LCA5L: variants seen among roughly 807,000 people sequenced by gnomAD.
LCA5L encodes lebercilin-like protein.
LCA5L carries 35 observed loss-of-function variants against 45.4 expected under a neutral mutation model. The observed-to-expected ratio is 0.77, with a 90% CI of 0.59 to 1.02. The LOEUF is 1.02. Among genes scored for constraint, LCA5L ranks in the 50% least tolerant of loss-of-function variants. The pLI, the probability that LCA5L is intolerant of heterozygous loss-of-function variation, is 0.00. For missense variants in LCA5L, 668 were observed against 761.6 expected, an observed-to-expected ratio of 0.88 and a Z score of 1.45; for synonymous variants, 233 against 264.7, an observed-to-expected ratio of 0.88 and a Z score of 1.16.
intron 10 of LCA5L, 81 bp from the exon 11 acceptor site, chr21:39,406,693 C>T (rs199499915): frequency 2.4e-5 from 25 of 1,044,908 alleles, no homozygotes; most frequent in Admixed American, 1.9e-4. Flanking sequence ...AGTACACTTA[C>T]GTGCACCGCC....
At chr21:39,436,372 C>T (rs1324906153) in intron 2 of LCA5L, among the ~76,000 whole-genome samples, 8 of 151,920 alleles carry the variant, frequency 5.3e-5, no homozygotes, top group South Asian at 2.1e-4. Flanking sequence ...TTTTGTTACA[C>T]GCATATAATG....
In LCA5L at chr21:39,406,051, CTTGA is replaced by C. The variant is rs1190288520; in HGVS notation, c.1840_1843del (p.Ser614ValfsTer36). The C allele has an allele frequency of 6.2e-7, 1 of 1,614,080 alleles. No individual in the cohort carries two copies. The highest frequency in any genetic ancestry group is 8.5e-7 in the Non-Finnish European group (1 of 1,180,028). ...CTCTGAGCCTTTTGCAACACCAGGA[CTTGA>C]TTGGTCAGTTTTCAAGACATAGCCT... On this transcript the variant is annotated frameshift_variant, in exon 11 of 11. Transcript: ENST00000288350. LOFTEE classifies it low-confidence loss of function (END_TRUNC).
At position 39,410,040 on chromosome 21, in the gene LCA5L, A is replaced by T. The variant is rs200806567; in HGVS notation, c.1221T>A (p.His407Gln). ...DHKEKSTEINHEIPHCVNKLP... is the reference protein window; with the variant it reads ...DHKEKSTEINQEIPHCVNKLP... ...GTTTATTCACACAGTGAGGAATTTC[A>T]TGATTTATTTCAGTTGATTTTTCTT... Residue 407 changes from histidine (H) to glutamine (Q), a missense_variant, in exon 10 of 11, where the codon CAT becomes CAA. By Grantham distance (24) the His-to-Gln change is conservative. Transcript: ENST00000288350. 6 of 1,610,802 alleles carry T rather than the reference A, an allele frequency of 3.7e-6. No homozygotes were observed. Among genetic ancestry groups the T allele is most frequent in the African/African-American group, 2.7e-5 (2 of 74,976 alleles).
intron 8 of LCA5L, 59 bp downstream of exon 8, chr21:39,411,659 T>C: frequency 1.2e-6 from 1 of 817,434 alleles, no homozygotes; most frequent in Non-Finnish European, 2.0e-6. Context: ...CTATATAAAT[T>C]AGGAAAATCT....
intron 7 of LCA5L, 35 bp downstream of exon 7, chr21:39,420,671 G>A: frequency 6.4e-7 from 1 of 1,573,004 alleles, no homozygotes; most frequent in Non-Finnish European, 8.7e-7. Context: ...CGGGAAACAG[G>A]ATTTCATTCT....
intron 7 of LCA5L, among the ~76,000 whole-genome samples, chr21:39,414,495 T>C (rs1293691442): frequency 6.6e-6 from 1 of 152,186 alleles, no homozygotes; most frequent in Non-Finnish European, 1.5e-5. Flanking sequence ...AAACTATGAC[T>C]TTCGTTAATG....
rs766775595 is a variant in LCA5L at position 39,406,156 on chromosome 21, T to G, written c.1739A>C (p.Lys580Thr). 20 of 1,614,272 alleles carry G rather than the reference T, an allele frequency of 1.2e-5. No homozygotes were observed. The highest frequency in any genetic ancestry group is 1.5e-5 in the Non-Finnish European group (18 of 1,180,056). Residue 580 changes from lysine to threonine, a missense_variant, in exon 11 of 11, where the codon AAG becomes ACG. Coordinates refer to ENST00000288350, the MANE Select transcript of LCA5L (RefSeq NM_152505.4). ...SDSGYEPSFGKSSRIKVKDTT... is the reference protein window; with the variant it reads ...SDSGYEPSFGTSSRIKVKDTT... ...ATCCTTCACTTTTATTCTGGAAGAC[T>G]TACCAAATGAGGGCTCATACCCACT...
chr21:39,429,554 T>C (rs2075423537), intron 3 of LCA5L, among the ~76,000 whole-genome samples: 1 of 152,206 alleles, frequency 6.6e-6, no homozygotes. Context: ...ACTGTCCCTG[T>C]TTCTTAGCTC....
Position 39,406,279 on chromosome 21 carries a change from G to A in LCA5L, c.1616C>T (p.Ala539Val). ...ATENLHHGLP[A>V]SGGPANAGNM... is the part of the protein sequence containing the mutation. ...GCCGGCATTGGCTGGCCCCCCTGAA[G>A]CAGGAAGCCCATGATGCAGGTTTTC... Residue 539 changes from alanine (A) to valine (V), a missense_variant, in exon 11 of 11, where the codon GCT becomes GTT. Transcript: ENST00000288350. 6.2e-7 allele frequency: 1 copy of A among 1,614,220 alleles called. No individual in the cohort carries two copies. The highest frequency in any genetic ancestry group is 8.5e-7 in the Non-Finnish European group (1 of 1,180,042).
At chr21:39,419,691 T>C (rs2041960395) in intron 7 of LCA5L, among the ~76,000 whole-genome samples, 2 of 152,104 alleles carry the variant, frequency 1.3e-5, no homozygotes, top group Non-Finnish European at 2.9e-5. Context: ...ATTAGTGCCC[T>C]TGTAAAAGAG....
intron 6 of LCA5L, among the ~76,000 whole-genome samples, chr21:39,421,062 C>T (rs1601818719): frequency 6.6e-6 from 1 of 151,794 alleles, no homozygotes; most frequent in African/African-American, 2.4e-5. Context: ...ACGTTTGGAG[C>T]CTGTTTTTTA....
intron 7 of LCA5L, among the ~76,000 whole-genome samples, chr21:39,413,384 T>C (rs1278243246): frequency 2.0e-5 from 3 of 152,216 alleles, no homozygotes; most frequent in Non-Finnish European, 4.4e-5. Flanking sequence ...CAAGCTTTTA[T>C]CCATTTCTTC....
Position 39,420,761 on chromosome 21 carries a change from T to C in LCA5L, c.920A>G (p.Gln307Arg). The C allele has an allele frequency of 6.2e-7, 1 of 1,613,746 alleles. No homozygotes were observed. Among genetic ancestry groups the C allele is most frequent in the East Asian group, 2.2e-5 (1 of 44,880 alleles). Residue 307 changes from glutamine to arginine, a missense_variant, in exon 7 of 11, where the codon CAG becomes CGG. Coordinates refer to ENST00000288350, the MANE Select transcript of LCA5L (RefSeq NM_152505.4). ...CACCTGCAGAGTCTTGGTAGCTGTC[T>C]GAGCTGCTAAAGTCTTCCGAGTCTC... ...AIETRKTLAA[Q>R]TATKTLQVEV...
intron 9 of LCA5L, 46 bp downstream of exon 9, chr21:39,410,218 T>A (rs760460832): frequency 1.5e-6 from 2 of 1,308,302 alleles, no homozygotes; most frequent in Non-Finnish European, 2.2e-6. Flanking sequence ...CTATTTTTGT[T>A]AAGACATGTT....
At chr21:39,407,897 A>G (rs937433167) in intron 10 of LCA5L, 3 of 152,376 alleles carry the variant, frequency 2.0e-5, no homozygotes, top group Middle Eastern at 3.4e-3. Flanking sequence ...CCAAACTGCA[A>G]CAGAGAGAGT....
rs145628827 is a variant in LCA5L, at chr21:39,423,007, G to T, written c.806C>A (p.Thr269Lys). 3.8e-4 allele frequency: 617 copies of T among 1,613,402 alleles called. 3 individuals are homozygous for T. Among genetic ancestry groups the T allele is most frequent in the Middle Eastern group, 1.6e-4 (1 of 6,082 alleles). Residue 269 changes from threonine (T) to lysine (K), a missense_variant, in exon 6 of 11, where the codon ACA becomes AAA. By Grantham distance (78) the Thr-to-Lys change is moderately conservative. Coordinates refer to ENST00000288350, the MANE Select transcript of LCA5L (RefSeq NM_152505.4). ...ELTHKLSIIT[T>K]KMDANDKKIQ... ...TTTTTTGTCATTTGCGTCCATTTTTGTTGTGATAATAGATAATTTATGAGT... is the reference window on the plus strand; with the variant it reads ...TTTTTTGTCATTTGCGTCCATTTTTTTTGTGATAATAGATAATTTATGAGT...
intron 2 of LCA5L, among the ~76,000 whole-genome samples, chr21:39,443,266 G>T (rs2077052411): frequency 6.6e-6 from 1 of 152,222 alleles, no homozygotes; most frequent in Admixed American, 6.5e-5. Flanking sequence ...GGAAACTGAA[G>T]GGGAACGTGG....
Position 39,405,899 on chromosome 21 carries a change from T to C in LCA5L, c.1996A>G (p.Arg666Gly), listed in dbSNP as rs779475051. 1.3e-6 allele frequency: 2 copies of C among 1,582,882 alleles called. No homozygotes were observed. The highest frequency in any genetic ancestry group is 4.5e-5 in the East Asian group (2 of 44,618). ...IKPSSPTEGK[R>G]KIII ...GATTATATTTAAATAATTATTTTTC[T>C]TTTTCCTTCTGTAGGTGACGATGGC... Residue 666 changes from arginine to glycine, a missense_variant, in exon 11 of 11, where the codon AGA (arginine) becomes GGA (glycine). Physicochemically the swap from Arg to Gly is moderately radical, Grantham distance 125. Transcript: ENST00000288350.
rs758408934 is a variant in LCA5L, at chr21:39,406,350, T to C, written c.1545A>G (p.Lys515=). ...AATGTCTTCTTTGTCTGAGGGGGCC[T>C]TTCGTGTAGGGAGCAGTGCCTTTGC... is the stretch of plus-strand genomic sequence containing the variant. ...TLGKGTAPYT[K]GPLRQRRHYS... Residue 515 remains lysine (K), a synonymous_variant, in exon 11 of 11, where the codon AAA becomes AAG. Transcript: ENST00000288350. 7 of 1,614,194 alleles carry C rather than the reference T, an allele frequency of 4.3e-6. No homozygotes were observed. Among genetic ancestry groups the C allele is most frequent in the Non-Finnish European group, 2.5e-6 (3 of 1,180,016 alleles).
Sources: gnomAD v4.1 joint callset for allele counts (sites outside exome capture counted in the v4.1 genomes callset) on GRCh38, gnomAD v4.1.1 for gene constraint, MANE v1.5 for transcripts, NCBI Gene and HGNC (gene_info 2026-07-23, HGNC 2026-07-21) for gene names.